SLC35F6: variants seen among roughly 807,000 people sequenced by gnomAD.
SLC35F6 encodes ANT2-binding protein.
Under a neutral mutation model 29.4 loss-of-function variants are expected in SLC35F6, and 26 were observed. That is an observed-to-expected ratio of 0.89 (90% CI 0.65 to 1.23). The LOEUF (loss-of-function observed/expected upper bound fraction) is 1.23, where lower values mean the gene tolerates loss of function less well. Among genes scored for constraint, SLC35F6 ranks in the 50% most tolerant of loss-of-function variants. SLC35F6 has a pLI of 0.00. For synonymous variants in SLC35F6, 174 were observed against 206.6 expected (o/e 0.84, Z 1.35); for missense variants, 428 against 487.8 (o/e 0.88, Z 1.15).
rs1267204044 is a variant in SLC35F6, at chr2:26,775,974, G to A, written c.535+298G>A. 6.6e-6 allele frequency among the ~76,000 whole-genome samples: 1 copy of A among 152,180 alleles called. No homozygotes were observed. The highest frequency in any genetic ancestry group is 1.5e-5 in the Non-Finnish European group (1 of 68,042). Reference sequence around the variant, plus strand: ...AGGTGCTTACCAAGTGCCCAGCCTGGTGCTGAGCACTGTGTGTTCATCATC... The same window carrying A: ...AGGTGCTTACCAAGTGCCCAGCCTGATGCTGAGCACTGTGTGTTCATCATC... On this transcript the variant is annotated intron_variant, in intron 4 of 5. Transcript: ENST00000344420. The surrounding 1 kb of genome is among the most constrained non-coding windows in gnomAD (Gnocchi z 4.6).
At chr2:26,769,085 C>G (rs960107988) in intron 1 of SLC35F6, among the ~76,000 whole-genome samples, 1 of 152,206 alleles carries the variant, frequency 6.6e-6, no homozygotes, top group Non-Finnish European at 1.5e-5. Context: ...AGGGGACTCA[C>G]TGGGCTTGAC....
rs1664053705 is a variant in SLC35F6, at chr2:26,764,310, C to G, written c.-40C>G. On this transcript the variant is annotated 5_prime_UTR_variant, in exon 1 of 6. Transcript: ENST00000344420. ...CGCAGGAGACCCCGGGTGACGGGGC[C>G]CGGCGCCGCTAACTGGAGCGAACCC... The G allele has an allele frequency of 9.1e-6, 14 of 1,546,436 alleles. No homozygotes were observed. Among genetic ancestry groups the G allele is most frequent in the Non-Finnish European group, 1.2e-5 (14 of 1,145,154 alleles).
At chr2:26,771,019 C>A (rs935782544) in intron 1 of SLC35F6, among the ~76,000 whole-genome samples, 2 of 152,238 alleles carry the variant, frequency 1.3e-5, no homozygotes, top group African/African-American at 4.8e-5. Flanking sequence ...TGTCAGCCTG[C>A]CCCAGGCCCT....
chr2:26,769,325 G>A (rs1015360109), intron 1 of SLC35F6, among the ~76,000 whole-genome samples: 1 of 152,210 alleles, frequency 6.6e-6, no homozygotes, highest in African/African-American at 2.4e-5. Context: ...CAAAAGGAGC[G>A]GCCTCAGCTT....
Position 26,775,503 on chromosome 2 carries a change from G to A in SLC35F6, c.362G>A (p.Arg121Gln), listed in dbSNP as rs1442546290. ...MTSASSFQML[R>Q]GAVIIFTGLF... ...AGTGCCTCCAGCTTCCAGATGCTGC[G>A]GGGTGCAGTGATCATATTCACTGGC... The change falls in exon 4 of 6, where the codon CGG (arginine) becomes CAG (glutamine). Residue 121 changes from arginine (R) to glutamine (Q), a missense_variant. Coordinates refer to ENST00000344420, the MANE Select transcript of SLC35F6 (RefSeq NM_017877.4). This position sits in a 1 kb window ranked among gnomAD's most constrained non-coding sequence, Gnocchi z 4.6. 4 of 1,612,478 alleles carry A rather than the reference G, an allele frequency of 2.5e-6. No individual in the cohort carries two copies. Among genetic ancestry groups the A allele is most frequent in the African/African-American group, 1.3e-5 (1 of 74,986 alleles).
chr2:26,775,265 A>T lies in SLC35F6; in HGVS notation c.322+50A>T. Reference sequence around the variant, plus strand: ...AGGGCTCAGGGGAAGCTGTGGCTGAAGGGGCTACTGGTGAAACAGCCCTAT... The same window carrying T: ...AGGGCTCAGGGGAAGCTGTGGCTGATGGGGCTACTGGTGAAACAGCCCTAT... On this transcript the variant is annotated intron_variant, in intron 3 of 5. Coordinates refer to ENST00000344420, the MANE Select transcript of SLC35F6 (RefSeq NM_017877.4). This position sits in a 1 kb window ranked among gnomAD's most constrained non-coding sequence, Gnocchi z 4.6. 6.3e-7 allele frequency: 1 copy of T among 1,584,328 alleles called. No homozygotes were observed. The highest frequency in any genetic ancestry group is 1.2e-5 in the South Asian group (1 of 86,718).
intron 1 of SLC35F6, among the ~76,000 whole-genome samples, chr2:26,771,021 C>T (rs951780431): frequency 6.6e-6 from 1 of 152,220 alleles, no homozygotes; most frequent in African/African-American, 2.4e-5. Context: ...TCAGCCTGCC[C>T]CAGGCCCTCA....
At position 26,775,356 on chromosome 2, in the gene SLC35F6, C is replaced by A; in HGVS notation, c.323-108C>A. On this transcript the variant is annotated intron_variant, in intron 3 of 5. Transcript: ENST00000344420. The surrounding 1 kb of genome is among the most constrained non-coding windows in gnomAD (Gnocchi z 4.6). ...CACACGCACAGGCACACAGGCAGGACTGATCGAGCGCTTACTATGAGCTTG... is the reference window on the plus strand; with the variant it reads ...CACACGCACAGGCACACAGGCAGGAATGATCGAGCGCTTACTATGAGCTTG... 15 of 1,520,412 alleles carry A rather than the reference C, an allele frequency of 9.9e-6. No homozygotes were observed. The highest frequency in any genetic ancestry group is 1.3e-5 in the Non-Finnish European group (15 of 1,126,238). The allele number at this position is 1,520,412 out of a possible 1,614,324, so 94.2% of individuals were successfully genotyped here. A position where few individuals can be genotyped will look rare whatever the true frequency, so the allele number is the denominator to read the frequency against.
intron 5 of SLC35F6, among the ~76,000 whole-genome samples, chr2:26,777,148 G>A (rs1457376473): frequency 6.6e-6 from 1 of 152,208 alleles, no homozygotes; most frequent in Non-Finnish European, 1.5e-5. Context: ...GCAGCAAGCC[G>A]AGATTGCGCC....
rs1183746064 is a variant in SLC35F6 at position 26,764,489 on chromosome 2, C to T, written c.77+63C>T. The stretch of plus-strand genomic sequence containing the variant: ...ACCCCGGCGCTCGTTCTACGCCTTC[C>T]CCCTTCTTGGCCCTGCCCTCCTGGC... On this transcript the variant is annotated intron_variant, in intron 1 of 5. Coordinates refer to ENST00000344420, the MANE Select transcript of SLC35F6 (RefSeq NM_017877.4). The T allele has an allele frequency of 5.2e-6, 8 of 1,536,474 alleles. No homozygotes were observed. The South Asian group carries it at 6.0e-5, about 11-fold the overall frequency.
At chr2:26,766,944 G>A (rs1256875281) in intron 1 of SLC35F6, among the ~76,000 whole-genome samples, 1 of 152,164 alleles carries the variant, frequency 6.6e-6, no homozygotes, top group Non-Finnish European at 1.5e-5. Flanking sequence ...TGTGGCTGGG[G>A]ACTTCTCCAG....
chr2:26,776,212 G>A (rs1664297666), intron 4 of SLC35F6, among the ~76,000 whole-genome samples, 160 bp from the exon 5 acceptor site: 1 of 152,222 alleles, frequency 6.6e-6, no homozygotes. Context: ...TGCCCCTCAG[G>A]AACCAGGGAA....
rs1425306602 is a variant in SLC35F6, at chr2:26,778,491, C to T, written c.1096C>T (p.Pro366Ser). The change falls in exon 6 of 6, where the codon CCC becomes TCC. Residue 366 changes from proline (P) to serine (S), a missense_variant. Transcript: ENST00000344420. ...GAGACTGCTGGGTGGCACCCGCACTCCCATCAATGATGCCAGCTGAGGTTC... is the reference window on the plus strand; with the variant it reads ...GAGACTGCTGGGTGGCACCCGCACTTCCATCAATGATGCCAGCTGAGGTTC... ...QERLLGGTRT[P>S]INDAS 1.2e-6 allele frequency: 2 copies of T among 1,605,890 alleles called. No homozygotes were observed. The highest frequency in any genetic ancestry group is 8.5e-7 in the Non-Finnish European group (1 of 1,176,184).
At chr2:26,764,884 AG>A in intron 1 of SLC35F6, 50 of 985,366 alleles carry the variant, frequency 5.1e-5, no homozygotes, top group Non-Finnish European at 5.9e-5. Context: ...ATGAGGGGTT[AG>A]AGCTGTGCTT....
At chr2:26,765,592 G>A (rs1664083489) in intron 1 of SLC35F6, among the ~76,000 whole-genome samples, 1 of 152,238 alleles carries the variant, frequency 6.6e-6, no homozygotes, top group Admixed American at 6.5e-5. Flanking sequence ...CTCTGCCTTT[G>A]AGATGCTTGG....
At chr2:26,766,404 C>T (rs1202654164) in intron 1 of SLC35F6, among the ~76,000 whole-genome samples, 2 of 152,144 alleles carry the variant, frequency 1.3e-5, no homozygotes, top group Admixed American at 1.3e-4. Context: ...TTGAAACCAG[C>T]CTGACCAATA....
At chr2:26,774,076 G>A (rs1322900804) in intron 1 of SLC35F6, among the ~76,000 whole-genome samples, 175 bp from the exon 2 acceptor site, 1 of 152,224 alleles carries the variant, frequency 6.6e-6, no homozygotes, top group East Asian at 1.9e-4. Flanking sequence ...ACAGTGACTT[G>A]AGGAAATGCC....
intron 5 of SLC35F6, among the ~76,000 whole-genome samples, chr2:26,777,743 AGTGT>A (rs34163276): frequency 6.0e-5 from 9 of 150,344 alleles, no homozygotes; most frequent in South Asian, 2.1e-4. Context: ...TGTTTTTATG[AGTGT>A]GTGTGTGTGT....
At chr2:26,774,463 C>A in intron 2 of SLC35F6, 140 bp downstream of exon 2, 1 of 908,970 alleles carries the variant, frequency 1.1e-6, no homozygotes, top group Non-Finnish European at 1.7e-6. Context: ...TTCTCTCTTT[C>A]CCTCCCCAGA....
Sources: gnomAD v4.1 joint callset for allele counts (sites outside exome capture counted in the v4.1 genomes callset) on GRCh38, gnomAD v4.1.1 for gene constraint, Gnocchi (gnomAD v3.1) non-coding constraint, MANE v1.5 for transcripts, NCBI Gene and HGNC (gene_info 2026-07-23, HGNC 2026-07-21) for gene names.